Variants in EPHA1 observed in about 807,000 individuals in gnomAD.
The protein encoded by EPHA1 is ephrin type-A receptor 1.
EPHA1 carries 92 observed loss-of-function variants against 110.1 expected under a neutral mutation model. The ratio of observed to expected loss-of-function variants is 0.84; its 90% CI spans 0.71 to 0.99. The LOEUF is 0.99. Ranked by LOEUF, EPHA1 falls within the 50% of genes least tolerant of loss-of-function variation. The pLI is 0.00. For synonymous variants in EPHA1, 500 were observed against 516.1 expected, an observed-to-expected ratio of 0.97 and a Z score of 0.42; for missense variants, 1,204 against 1,285.4, an observed-to-expected ratio of 0.94 and a Z score of 0.97.
chr7:143,406,135 G>C (rs1805541073), intron 2 of EPHA1, among the ~76,000 whole-genome samples: 1 of 152,200 alleles, frequency 6.6e-6, no homozygotes, highest in African/African-American at 2.4e-5. Flanking sequence ...TGAGCTGACT[G>C]CCGGGGATGG....
intron 10 of EPHA1, chr7:143,396,731 G>C: frequency 5.7e-6 from 3 of 526,334 alleles, no homozygotes; most frequent in Non-Finnish European, 1.0e-5. Context: ...CACAAGGTCC[G>C]GGGCGGTGGC....
At position 143,408,833 on chromosome 7, in the gene EPHA1, G is replaced by T; in HGVS notation, c.-28C>A. ...CTCCGGGCCGGGACCTGGGACAGTG[G>T]CCCGGATGGCAGCGCCAGGTTGCAA... On this transcript the variant is annotated 5_prime_UTR_variant, in exon 1 of 18. Coordinates refer to ENST00000275815, the MANE Select transcript of EPHA1 (RefSeq NM_005232.5). The T allele has an allele frequency of 8.6e-7, 1 of 1,157,642 alleles. No homozygotes were observed. Among genetic ancestry groups the T allele is most frequent in the Non-Finnish European group, 1.1e-6 (1 of 943,480 alleles). 71.7% of individuals were successfully genotyped at this position (1,157,642 alleles called of 1,614,324 possible).
Position 143,401,129 on chromosome 7 carries a change from G to C in EPHA1, c.432+195C>G, listed in dbSNP as rs1371179382. On this transcript the variant is annotated intron_variant, in intron 3 of 17. Transcript: ENST00000275815. This position sits in a 1 kb window ranked among gnomAD's most constrained non-coding sequence, Gnocchi z 4.1. Reference sequence around the variant, plus strand: ...GCTGGTCTCAAGCTCCTGGCCTCAAGTGATCTTCCCACATCGGTTTCCCAA... The same window carrying C: ...GCTGGTCTCAAGCTCCTGGCCTCAACTGATCTTCCCACATCGGTTTCCCAA... 5.8e-6 allele frequency: 4 copies of C among 695,318 alleles called. No homozygotes were observed. The highest frequency in any genetic ancestry group is 9.4e-6 in the Non-Finnish European group (4 of 425,620). 43.1% of individuals were successfully genotyped at this position (695,318 alleles called of 1,614,324 possible).
Position 143,394,938 on chromosome 7 carries a change from C to T in EPHA1, c.2222G>A (p.Ser741Asn), listed in dbSNP as rs964365496. The T allele has an allele frequency of 6.2e-7, 1 of 1,614,030 alleles. No individual in the cohort carries two copies. The highest frequency in any genetic ancestry group is 1.3e-5 in the African/African-American group (1 of 74,916). ...GTCCCGGTGGACATAATTGTGATTA[C>T]TGAGGTAGTTCATGCCAGATGCTAT... ...QGIASGMNYL[S>N]NHNYVHRDLA... Residue 741 changes from serine (S) to asparagine (N), a missense_variant, in exon 14 of 18, where the codon AGT becomes AAT. By Grantham distance (46) the Ser-to-Asn change is conservative. Coordinates refer to ENST00000275815, the MANE Select transcript of EPHA1 (RefSeq NM_005232.5).
rs751386524 is a variant in EPHA1 at position 143,395,412 on chromosome 7, C to A, written c.1990G>T (p.Gly664Cys). ...CGAAGGAAGTTCCACCACTGGCCAC[C>A]TGGGGATGTGTCTTTTAAGGTCTTA... is the stretch of plus-strand genomic sequence containing the variant. ...AIKTLKDTSP[G>C]GQWWNFLREA... The change falls in exon 12 of 18, where the codon GGT becomes TGT. Residue 664 changes from glycine to cysteine, a missense_variant. Transcript: ENST00000275815. This position sits in a 1 kb window ranked among gnomAD's most constrained non-coding sequence, Gnocchi z 4.7. 3.7e-6 allele frequency: 6 copies of A among 1,614,234 alleles called. No individual in the cohort carries two copies. The highest frequency in any genetic ancestry group is 3.4e-6 in the Non-Finnish European group (4 of 1,180,048).
rs1805359080 is a variant in EPHA1 at position 143,399,595 on chromosome 7, G to A, written c.835+56C>T. ...AGCACTGGCCTCCTTCTCTGCCGGG[G>A]TACTCCTGCAATCCTCCCGAGTGGT... On this transcript the variant is annotated intron_variant, in intron 4 of 17. Coordinates refer to ENST00000275815, the MANE Select transcript of EPHA1 (RefSeq NM_005232.5). The A allele has an allele frequency of 3.7e-6, 6 of 1,603,686 alleles. No homozygotes were observed. In the East Asian group the frequency reaches 6.7e-5, roughly 18 times the overall value.
chr7:143,391,626 G>C lies in EPHA1; in HGVS notation c.2846C>G (p.Thr949Ser). 1 of 1,614,132 alleles carries C rather than the reference G, an allele frequency of 6.2e-7. No homozygotes were observed. The highest frequency in any genetic ancestry group is 8.5e-7 in the Non-Finnish European group (1 of 1,180,028). The change falls in exon 17 of 18, where the codon ACC (threonine) becomes AGC (serine). Residue 949 changes from threonine (T) to serine (S), a missense_variant. Coordinates refer to ENST00000275815, the MANE Select transcript of EPHA1 (RefSeq NM_005232.5). ...LDTMECVLEL[T>S]AEDLTQMGIT... ...GACAGCTCCAGCTCCTTACTCAGCGGTCAGCTCCAGCACACACTCCATGGT... is the reference window on the plus strand; with the variant it reads ...GACAGCTCCAGCTCCTTACTCAGCGCTCAGCTCCAGCACACACTCCATGGT...
rs1280614841 is a variant in EPHA1 at position 143,408,811 on chromosome 7, C to G, written c.-6G>C. ...AGGGGCCAGCGCCGCTCCATAGCTC[C>G]GGGCCGGGACCTGGGACAGTGGCCC... On this transcript the variant is annotated 5_prime_UTR_variant, in exon 1 of 18. Coordinates refer to ENST00000275815, the MANE Select transcript of EPHA1 (RefSeq NM_005232.5). 3 of 1,125,834 alleles carry G rather than the reference C, an allele frequency of 2.7e-6. No homozygotes were observed. The highest frequency in any genetic ancestry group is 3.2e-6 in the Non-Finnish European group (3 of 923,276). The allele number at this position is 1,125,834 out of a possible 1,614,324, so 69.7% of individuals were successfully genotyped here. A position where few individuals can be genotyped will look rare whatever the true frequency, so the allele number is the denominator to read the frequency against.
chr7:143,403,022 C>T (rs1039509993), intron 2 of EPHA1, among the ~76,000 whole-genome samples: 9 of 152,154 alleles, frequency 5.9e-5, no homozygotes, highest in Non-Finnish European at 5.9e-5. Flanking sequence ...GCTTTCAACA[C>T]GGGATCATAC....
At position 143,401,190 on chromosome 7, in the gene EPHA1, G is replaced by C; in HGVS notation, c.432+134C>G. On this transcript the variant is annotated intron_variant, in intron 3 of 17. Transcript: ENST00000275815. This position sits in a 1 kb window ranked among gnomAD's most constrained non-coding sequence, Gnocchi z 4.1. ...TTACAGGCACAAGCCACCATGCCCA[G>C]CCTTCAAGCGCCAAATTCTTTTCAA... 1 of 1,191,736 alleles carries C rather than the reference G, an allele frequency of 8.4e-7. No individual in the cohort carries two copies. The highest frequency in any genetic ancestry group is 1.2e-6 in the Non-Finnish European group (1 of 856,678). The allele number at this position is 1,191,736 out of a possible 1,614,324, so 73.8% of individuals were successfully genotyped here.
chr7:143,399,509 C>T, intron 4 of EPHA1, 96 bp from the exon 5 acceptor site: 2 of 1,544,396 alleles, frequency 1.3e-6, no homozygotes, highest in Non-Finnish European at 1.7e-6. Context: ...CTACTGGAAA[C>T]ATCTCTGCAT....
In EPHA1 at chr7:143,396,255, C is replaced by G. The variant is rs537801194; in HGVS notation, c.1897+130G>C. ...GATACAGAGCAGAGCAGAGTGAGTA[C>G]CTCTGGAAACTCTTGGACCAGAGAA... On this transcript the variant is annotated intron_variant, in intron 11 of 17. Transcript: ENST00000275815. 265 of 1,267,764 alleles carry G rather than the reference C, an allele frequency of 2.1e-4. No homozygotes were observed. The Middle Eastern group carries it at 5.1e-3, about 25-fold the overall frequency. 78.5% of individuals were successfully genotyped at this position (1,267,764 alleles called of 1,614,324 possible).
intron 14 of EPHA1, 45 bp downstream of exon 14, chr7:143,394,763 T>C (rs1229829642): frequency 1.1e-5 from 17 of 1,607,120 alleles, no homozygotes; most frequent in African/African-American, 4.0e-5. Flanking sequence ...AATGGCATGT[T>C]ACGGGGCAAT....
intron 4 of EPHA1, 98 bp downstream of exon 4, chr7:143,399,553 A>C: frequency 6.4e-7 from 1 of 1,572,256 alleles, no homozygotes; most frequent in Non-Finnish European, 8.6e-7. Context: ...ACTCAGGTTA[A>C]AAACCCACTG....
At position 143,404,562 on chromosome 7, in the gene EPHA1, C is replaced by T. The variant is rs1039136854; in HGVS notation, c.151-2957G>A. Among the ~76,000 whole-genome samples the T allele has an allele frequency of 2.0e-5, 3 of 152,166 alleles. No individual in the cohort carries two copies. In the East Asian group the frequency reaches 5.8e-4, roughly 29 times the overall value. ...ATATTTATTTAAAAATTATGAATAT[C>T]TAACCGTCAGTTTATTAACTAGGTA... On this transcript the variant is annotated intron_variant, in intron 2 of 17. Transcript: ENST00000275815.
rs762035521 is a variant in EPHA1 at position 143,398,741 on chromosome 7, A to AGCCCCCGG, written c.1188_1195dup (p.Leu399ProfsTer58). On this transcript the variant is annotated frameshift_variant, in exon 6 of 18. Transcript: ENST00000275815. LOFTEE classifies it high-confidence loss of function. ...ATTGACATGCACTGCAGGTGTGGTGAGCCCCCGGGCCCCCGGCGAGAAGTG... is the reference window on the plus strand; with the variant it reads ...ATTGACATGCACTGCAGGTGTGGTGAGCCCCCGGGCCCCCGGGCCCCCGGCGAGAAGTG... 1.2e-4 allele frequency: 199 copies of AGCCCCCGG among 1,614,004 alleles called. No homozygotes were observed. The highest frequency in any genetic ancestry group is 1.1e-4 in the Non-Finnish European group (129 of 1,179,974).
rs1805136867 is a variant in EPHA1 at position 143,393,086 on chromosome 7, C to A, written c.2696+585G>T. ...CAATGCCGCAGCCATCCTGCACTAT[C>A]TGCAACCTACCAGCCCTCAGCTCCC... On this transcript the variant is annotated intron_variant, in intron 16 of 17. Coordinates refer to ENST00000275815, the MANE Select transcript of EPHA1 (RefSeq NM_005232.5). This position sits in a 1 kb window ranked among gnomAD's most constrained non-coding sequence, Gnocchi z 5.6. Among the ~76,000 whole-genome samples, 1 of 152,202 alleles carries A rather than the reference C, an allele frequency of 6.6e-6. No individual in the cohort carries two copies. The highest frequency in any genetic ancestry group is 2.1e-4 in the South Asian group (1 of 4,834).
rs1166841072 is a variant in EPHA1 at position 143,394,192 on chromosome 7, ACCT to A, written c.2501_2502+1del. On this transcript the variant is annotated splice_donor_variant and coding_sequence_variant, in exon 15 of 18. Transcript: ENST00000275815. LOFTEE classifies it high-confidence loss of function. ...AGATGAGGAAGAATATTCTGGGCTC[ACCT>A]CCTGATTGCTCATCTCCCCATAAGG... The A allele has an allele frequency of 1.2e-6, 2 of 1,610,298 alleles. No individual in the cohort carries two copies. The highest frequency in any genetic ancestry group is 1.7e-6 in the Non-Finnish European group (2 of 1,177,188).
chr7:143,407,808 C>T (rs778475233), intron 1 of EPHA1, 130 bp from the exon 2 acceptor site: 100 of 759,194 alleles, frequency 1.3e-4, no homozygotes, highest in Non-Finnish European at 2.0e-4. Flanking sequence ...CTTCCTGAGG[C>T]TTAGGGGAGA....
Sources: gnomAD v4.1 joint callset for allele counts (sites outside exome capture counted in the v4.1 genomes callset) on GRCh38, gnomAD v4.1.1 for gene constraint, Gnocchi (gnomAD v3.1) non-coding constraint, MANE v1.5 for transcripts, NCBI Gene and HGNC (gene_info 2026-07-23, HGNC 2026-07-21) for gene names.